FHAD1: variants seen among roughly 807,000 people sequenced by gnomAD.
The protein encoded by FHAD1 is forkhead-associated domain-containing protein 1.
In FHAD1, 146 loss-of-function variants were observed where a neutral mutation model predicts 191.3. The observed-to-expected ratio is 0.76, with a 90% CI of 0.67 to 0.88. The LOEUF is 0.88. Among genes scored for constraint, FHAD1 ranks in the 40% least tolerant of loss-of-function variants. The probability of loss-of-function intolerance (pLI) is 0.00; values close to 1 mark genes in which losing one functional copy is unlikely to be tolerated. For synonymous variants in FHAD1, 616 were observed against 672.3 expected (o/e 0.92, Z 1.29); for missense variants, 1,635 against 1,785.8 (o/e 0.92, Z 1.52).
intron 26 of FHAD1, among the ~76,000 whole-genome samples, chr1:15,372,451 T>C (rs952670989): frequency 2.0e-5 from 3 of 152,186 alleles, no homozygotes; most frequent in Non-Finnish European, 4.4e-5. Flanking sequence ...GCACTTATCA[T>C]TCTCCAGAAT....
Position 15,358,174 on chromosome 1 carries a change from T to C in FHAD1, c.2627T>C (p.Met876Thr), listed in dbSNP as rs1228180928. 1.3e-6 allele frequency: 2 copies of C among 1,537,670 alleles called. No individual in the cohort carries two copies. Among genetic ancestry groups the C allele is most frequent in the East Asian group, 2.5e-5 (1 of 40,596 alleles). Residue 876 changes from methionine (M) to threonine (T), a missense_variant, in exon 21 of 34, where the codon ATG (methionine) becomes ACG (threonine). Transcript: ENST00000688493. The stretch of plus-strand genomic sequence containing the variant: ...AATAAATTAAGTGACGCACTGGCCA[T>C]GGTTGAAGAGACTCAGAAAACAAAG... The part of the protein sequence containing the change: ...LNNKLSDALA[M>T]VEETQKTKAT...
chr1:15,251,811 A>C lies in FHAD1; in HGVS notation c.27A>C (p.Glu9Asp), dbSNP rs1330660866. The C allele has an allele frequency of 2.6e-6, 4 of 1,552,282 alleles. No individual in the cohort carries two copies. Among genetic ancestry groups the C allele is most frequent in the Non-Finnish European group, 3.5e-6 (4 of 1,147,126 alleles). ...TGAAGGCCTATCTAAAGAGCGCAGA[A>C]GGCTTTTTTGTCCTAAATAAAAGTA... is the stretch of plus-strand genomic sequence containing the variant. MKAYLKSA[E>D]GFFVLNKSTT... The change falls in exon 2 of 34, where the codon GAA (glutamate) becomes GAC (aspartate). Residue 9 changes from glutamate to aspartate, a missense_variant. By Grantham distance (45) the Glu-to-Asp change is conservative. Coordinates refer to ENST00000688493, the MANE Select transcript of FHAD1 (RefSeq NM_001391957.1).
At chr1:15,323,457 C>T (rs1269944631) in intron 10 of FHAD1, among the ~76,000 whole-genome samples, 1 of 152,178 alleles carries the variant, frequency 6.6e-6, no homozygotes, top group Admixed American at 6.5e-5. Flanking sequence ...CCGGCCTTCC[C>T]GGGAAACAGC....
chr1:15,262,804 ATTC>A (rs546374720), intron 2 of FHAD1, among the ~76,000 whole-genome samples: 69 of 152,286 alleles, frequency 4.5e-4, no homozygotes, highest in African/African-American at 1.6e-3. Flanking sequence ...CCTGCTTTCA[ATTC>A]TTTTGAATAT....
At chr1:15,376,024 T>C (rs1338473463) in intron 28 of FHAD1, among the ~76,000 whole-genome samples, 2 of 150,382 alleles carry the variant, frequency 1.3e-5, no homozygotes, top group Admixed American at 6.6e-5. Context: ...TTATTTTATT[T>C]TTTATTTTTA....
chr1:15,351,263 T>C (rs1376282050), intron 19 of FHAD1, among the ~76,000 whole-genome samples: 12 of 152,170 alleles, frequency 7.9e-5, no homozygotes, highest in Non-Finnish European at 1.3e-4. Context: ...GAGAATCTCT[T>C]GAACCTGGGA....
intron 1 of FHAD1, among the ~76,000 whole-genome samples, chr1:15,247,825 A>G (rs1309222038): frequency 6.6e-6 from 1 of 152,192 alleles, no homozygotes; most frequent in East Asian, 1.9e-4. Flanking sequence ...TAACCCCTCA[A>G]CAGAAATTTT....
At chr1:15,337,851 C>A (rs72864900) in intron 14 of FHAD1, among the ~76,000 whole-genome samples, 11,378 of 152,222 alleles carry the variant, frequency 0.075, 539 homozygotes, top group African/African-American at 0.13. Context: ...TCGAGTCACA[C>A]CAATTAGTCT....
intron 16 of FHAD1, among the ~76,000 whole-genome samples, chr1:15,342,367 T>C (rs2102269152): frequency 6.6e-6 from 1 of 152,272 alleles, no homozygotes; most frequent in South Asian, 2.1e-4. Context: ...AACGTGCCCA[T>C]GAATTGTCTG....
intron 22 of FHAD1, among the ~76,000 whole-genome samples, chr1:15,361,275 G>A (rs1411427044): frequency 6.6e-6 from 1 of 152,212 alleles, no homozygotes; most frequent in Non-Finnish European, 1.5e-5. Flanking sequence ...GACATTTGGA[G>A]CAGGATCATT....
At position 15,388,134 on chromosome 1, in the gene FHAD1, A is replaced by G. The variant is rs1484164642; in HGVS notation, c.4269+3A>G. ...CCTTCAAAGAGAAAGACAGGCAGGT[A>G]TGGGAGGTGTTCTGATGTTGCAGAC... On this transcript the variant is annotated splice_donor_region_variant and intron_variant, in intron 32 of 33. Coordinates refer to ENST00000688493, the MANE Select transcript of FHAD1 (RefSeq NM_001391957.1). The G allele has an allele frequency of 1.6e-6, 2 of 1,288,284 alleles. No homozygotes were observed. Among genetic ancestry groups the G allele is most frequent in the Non-Finnish European group, 1.0e-6 (1 of 987,604 alleles). 79.8% of individuals were successfully genotyped at this position (1,288,284 alleles called of 1,614,324 possible).
intron 31 of FHAD1, among the ~76,000 whole-genome samples, chr1:15,384,862 C>T (rs1018047872): frequency 3.3e-5 from 5 of 152,202 alleles, no homozygotes; most frequent in East Asian, 1.9e-4. Context: ...GGAGGGCTGC[C>T]GGGCATCTGC....
intron 1 of FHAD1, among the ~76,000 whole-genome samples, chr1:15,249,290 T>TAA (rs34278950): frequency 3.0e-5 from 4 of 133,738 alleles, no homozygotes; most frequent in African/African-American, 8.2e-5. Context: ...GGGGAAGAGC[T>TAA]AAAAAAAAAA....
chr1:15,362,065 G>T (rs1694986003), intron 22 of FHAD1, among the ~76,000 whole-genome samples: 1 of 151,250 alleles, frequency 6.6e-6, no homozygotes, highest in Non-Finnish European at 1.5e-5. Flanking sequence ...CCAGGTCAGA[G>T]GGAGGGTGTT....
chr1:15,367,576 G>C lies in FHAD1; in HGVS notation c.3268G>C (p.Val1090Leu). 2.3e-6 allele frequency: 3 copies of C among 1,327,882 alleles called. No individual in the cohort carries two copies. The highest frequency in any genetic ancestry group is 3.0e-6 in the Non-Finnish European group (3 of 1,006,274). 82.3% of individuals were successfully genotyped at this position (1,327,882 alleles called of 1,614,324 possible). A position where few individuals can be genotyped will look rare whatever the true frequency, so the allele number is the denominator to read the frequency against. The stretch of plus-strand genomic sequence containing the variant: ...GAAGATGGCCCAGATGAGCAGCCTG[G>C]TAGAAAAGAAAGATCGGGAGCTGAA... ...KEKMAQMSSL[V>L]EKKDRELKAL... Residue 1090 changes from valine to leucine, a missense_variant, in exon 25 of 34, where the codon GTA becomes CTA. Physicochemically the swap from Val to Leu is conservative, Grantham distance 32. Transcript: ENST00000688493.
At chr1:15,237,183 G>C (rs546236895) in intron 1 of FHAD1, among the ~76,000 whole-genome samples, 1 of 152,182 alleles carries the variant, frequency 6.6e-6, no homozygotes, top group East Asian at 1.9e-4. Flanking sequence ...ACTAATACAG[G>C]CTCTTTATCA....
At chr1:15,364,220 T>C (rs1695705289) in intron 23 of FHAD1, 1 of 156,996 alleles carries the variant, frequency 6.4e-6, no homozygotes, top group African/African-American at 2.4e-5. Context: ...TATGTAGTTA[T>C]TTTCATTCTG....
Position 15,316,435 on chromosome 1 carries a change from GC to G in FHAD1, c.1231del (p.Gln411ArgfsTer5). ...QEDAHRELRE[A>X]QEKELKLCKT... is the part of the protein sequence containing the mutation. ...AGATGCTCACAGGGAGCTCAGGGAAGCCCAGGAGAAAGAGTTAAAACTCTGC... is the reference window on the plus strand; with the variant it reads ...AGATGCTCACAGGGAGCTCAGGGAAGCCAGGAGAAAGAGTTAAAACTCTGC... On this transcript the variant is annotated frameshift_variant, in exon 9 of 34. Transcript: ENST00000688493. LOFTEE classifies it high-confidence loss of function. The surrounding 1 kb of genome is among the most constrained non-coding windows in gnomAD (Gnocchi z 4.3). The G allele has an allele frequency of 6.4e-7, 1 of 1,551,702 alleles. No homozygotes were observed.
chr1:15,308,405 G>T (rs1359278193), intron 6 of FHAD1, among the ~76,000 whole-genome samples: 1 of 152,188 alleles, frequency 6.6e-6, no homozygotes, highest in Non-Finnish European at 1.5e-5. Flanking sequence ...CAAAGATAAG[G>T]TTCATGTTTT....
Sources: gnomAD v4.1 joint callset for allele counts (sites outside exome capture counted in the v4.1 genomes callset) on GRCh38, gnomAD v4.1.1 for gene constraint, Gnocchi (gnomAD v3.1) non-coding constraint, MANE v1.5 for transcripts, NCBI Gene and HGNC (gene_info 2026-07-23, HGNC 2026-07-21) for gene names.